Variants in TMEM9 observed in about 807,000 individuals in gnomAD.
TMEM9 encodes proton-transporting V-type ATPase complex assembly regulator TMEM9.
Under a neutral mutation model 22.8 loss-of-function variants are expected in TMEM9, and 13 were observed. The observed-to-expected ratio is 0.57, with a 90% CI of 0.37 to 0.91. The LOEUF (loss-of-function observed/expected upper bound fraction) is 0.91. TMEM9 is among the 40% of genes least tolerant of loss of function. TMEM9 has a pLI of 0.01. For synonymous variants in TMEM9, 88 were observed against 93.0 expected (o/e 0.95, Z 0.31); for missense variants, 182 against 238.1 (o/e 0.76, Z 1.55).
chr1:201,164,370 T>C (rs1666021046), intron 1 of TMEM9, among the ~76,000 whole-genome samples: 1 of 152,216 alleles, frequency 6.6e-6, no homozygotes, highest in African/African-American at 2.4e-5. Flanking sequence ...AAGTGATCTT[T>C]GTATATTATT....
chr1:201,164,940 T>C (rs1016599526), intron 1 of TMEM9, among the ~76,000 whole-genome samples: 2 of 151,880 alleles, frequency 1.3e-5, no homozygotes, highest in Non-Finnish European at 1.5e-5. Context: ...ATAACTCTGA[T>C]TGGCAGTCTC....
intron 1 of TMEM9, among the ~76,000 whole-genome samples, chr1:201,168,649 G>A (rs1666138485): frequency 1.3e-5 from 2 of 152,308 alleles, no homozygotes; most frequent in South Asian, 4.1e-4. Context: ...AACCTAGGAG[G>A]CAGAGTTTGC....
intron 3 of TMEM9, chr1:201,144,671 C>T (rs1248470321): frequency 6.6e-6 from 1 of 152,206 alleles, no homozygotes; most frequent in Non-Finnish European, 1.5e-5. Flanking sequence ...AATGTGGGTG[C>T]TCTGGGATTT....
Position 201,160,045 on chromosome 1 carries a change from T to A in TMEM9, c.-36-6086A>T, listed in dbSNP as rs531145800. Among the ~76,000 whole-genome samples, 12 of 152,376 alleles carry A rather than the reference T, an allele frequency of 7.9e-5. No homozygotes were observed. In the South Asian group the frequency reaches 2.5e-3, roughly 32 times the overall value. ...GCATAAATAGAGGATAACAGCTAACTTTTTGGTTTCAGTGTTCTTAACTTC... is the reference window on the plus strand; with the variant it reads ...GCATAAATAGAGGATAACAGCTAACATTTTGGTTTCAGTGTTCTTAACTTC... On this transcript the variant is annotated intron_variant, in intron 1 of 5. Transcript: ENST00000367333.
intron 1 of TMEM9, among the ~76,000 whole-genome samples, chr1:201,153,333 G>A (rs1458525415): frequency 1.3e-5 from 2 of 152,158 alleles, no homozygotes; most frequent in Non-Finnish European, 2.9e-5. Flanking sequence ...AGATAGTGAC[G>A]CCTTTGCTTT....
intron 4 of TMEM9, among the ~76,000 whole-genome samples, chr1:201,139,731 G>A (rs61819467): frequency 0.015 from 2,270 of 152,306 alleles, 33 homozygotes; most frequent in Non-Finnish European, 0.024. Context: ...TTGAAATAGC[G>A]CATTCTTAAG....
chr1:201,135,188 G>T lies in TMEM9; in HGVS notation c.*475C>A, dbSNP rs139373933. On this transcript the variant is annotated 3_prime_UTR_variant, in exon 5 of 5. Coordinates refer to ENST00000367330, the MANE Select transcript of TMEM9 (RefSeq NM_001288565.2). ...CTGGAGCTGGGGCTGGGGCTGAGGC[G>T]CTGGGGCTGGGAGGGAGGTGGTGAT... 1.3e-5 allele frequency: 2 copies of T among 149,744 alleles called. No homozygotes were observed. The highest frequency in any genetic ancestry group is 2.0e-4 in the South Asian group (1 of 4,954). The allele number at this position is 149,744 out of a possible 1,614,324, so 9.3% of individuals were successfully genotyped here. A position where few individuals can be genotyped will look rare whatever the true frequency, so the allele number is the denominator to read the frequency against.
chr1:201,166,973 T>C (rs1356651110), intron 1 of TMEM9, among the ~76,000 whole-genome samples: 2 of 152,236 alleles, frequency 1.3e-5, no homozygotes, highest in African/African-American at 4.8e-5. Context: ...AGATCACTAT[T>C]TTACAAAGTG....
At position 201,154,016 on chromosome 1, in the gene TMEM9, C is replaced by A. The variant is rs548236109; in HGVS notation, c.-93G>T. The A allele has an allele frequency of 6.9e-7, 1 of 1,451,816 alleles. No homozygotes were observed. The highest frequency in any genetic ancestry group is 9.3e-7 in the Non-Finnish European group (1 of 1,078,356). 89.9% of individuals were successfully genotyped at this position (1,451,816 alleles called of 1,614,324 possible). A position where few individuals can be genotyped will look rare whatever the true frequency, so the allele number is the denominator to read the frequency against. ...GAAGGTGGCCACACCGCAGCCAGCA[C>A]GCTAGGCCCTTAACCATCCGGCCAA... On this transcript the variant is annotated 5_prime_UTR_variant, in exon 1 of 5. Transcript: ENST00000367330.
chr1:201,152,375 T>C (rs1389046047), intron 1 of TMEM9, among the ~76,000 whole-genome samples: 2 of 152,226 alleles, frequency 1.3e-5, no homozygotes, highest in Non-Finnish European at 2.9e-5. Flanking sequence ...GTTCTTCCCT[T>C]CTGGAATGAG....
chr1:201,166,660 C>A (rs1019117016), intron 1 of TMEM9, among the ~76,000 whole-genome samples: 1 of 152,078 alleles, frequency 6.6e-6, no homozygotes, highest in African/African-American at 2.4e-5. Flanking sequence ...ACCATGCCCA[C>A]CTGACTTTTT....
chr1:201,139,448 A>G lies in TMEM9; in HGVS notation c.400-3633T>C, dbSNP rs767159111. 7.6e-4 allele frequency among the ~76,000 whole-genome samples: 116 copies of G among 152,164 alleles called. 1 individual carries two copies. The highest frequency in any genetic ancestry group is 7.2e-4 in the Admixed American group (11 of 15,280). Reference sequence around the variant, plus strand: ...TCCCTGACCCCTGCACGCTGCGGCTAGGGCCACCTTCCTATGACACACCAA... The same window carrying G: ...TCCCTGACCCCTGCACGCTGCGGCTGGGGCCACCTTCCTATGACACACCAA... On this transcript the variant is annotated intron_variant, in intron 4 of 4. Coordinates refer to ENST00000367330, the MANE Select transcript of TMEM9 (RefSeq NM_001288565.2).
rs1056674552 is a variant in TMEM9, at chr1:201,135,070, T to C, written c.*593A>G. 1.3e-5 allele frequency: 2 copies of C among 152,712 alleles called. No homozygotes were observed. The highest frequency in any genetic ancestry group is 2.4e-5 in the African/African-American group (1 of 41,430). 9.5% of individuals were successfully genotyped at this position (152,712 alleles called of 1,614,324 possible). The stretch of plus-strand genomic sequence containing the variant: ...GCACTCCATGCCCCAGTGCGAGAAG[T>C]GCACAGGGGACAGCGAACACCAGCT... On this transcript the variant is annotated 3_prime_UTR_variant, in exon 5 of 5. Coordinates refer to ENST00000367330, the MANE Select transcript of TMEM9 (RefSeq NM_001288565.2).
intron 2 of TMEM9, 49 bp from the exon 3 acceptor site, chr1:201,146,897 G>A: frequency 6.4e-7 from 1 of 1,552,258 alleles, no homozygotes; most frequent in East Asian, 2.3e-5. Context: ...CCACGTCTTA[G>A]AGCCTCAAGA....
At chr1:201,137,072 G>A (rs1042826588) in intron 4 of TMEM9, among the ~76,000 whole-genome samples, 2 of 152,230 alleles carry the variant, frequency 1.3e-5, no homozygotes, top group African/African-American at 2.4e-5. Context: ...TCTAAGCTGC[G>A]TTAGAGATGG....
At chr1:201,153,104 T>C (rs1214691433) in intron 1 of TMEM9, among the ~76,000 whole-genome samples, 1 of 152,256 alleles carries the variant, frequency 6.6e-6, no homozygotes, top group Non-Finnish European at 1.5e-5. Context: ...GAAAGCCTTA[T>C]GTTGCTGTGT....
chr1:201,147,489 T>C (rs1572117859), intron 2 of TMEM9, among the ~76,000 whole-genome samples: 1 of 152,232 alleles, frequency 6.6e-6, no homozygotes, highest in African/African-American at 2.4e-5. Flanking sequence ...TAAAAATTCC[T>C]AGAATCCATC....
At chr1:201,140,339 TAA>T (rs987780923) in intron 4 of TMEM9, among the ~76,000 whole-genome samples, 1 of 152,200 alleles carries the variant, frequency 6.6e-6, no homozygotes, top group African/African-American at 2.4e-5. Flanking sequence ...CCTGCACATC[TAA>T]AACAGCTCTG....
At chr1:201,153,695 G>T in intron 1 of TMEM9, 163 bp downstream of exon 1, 1 of 1,520,494 alleles carries the variant, frequency 6.6e-7, no homozygotes, top group Non-Finnish European at 8.9e-7. Context: ...CCTTAGGGAG[G>T]CCAGCAGCCT....
Sources: allele counts gnomAD v4.1 joint callset (sites outside exome capture counted in the v4.1 genomes callset), GRCh38; gene constraint gnomAD v4.1.1; transcripts MANE v1.5; gene names NCBI Gene and HGNC (gene_info 2026-07-23, HGNC 2026-07-21).